Variants in COL11A1 observed in about 807,000 individuals in gnomAD.
The protein encoded by COL11A1 is collagen alpha-1(XI) chain.
A neutral mutation model predicts 265.2 loss-of-function variants in COL11A1; 74 were observed. The ratio of observed to expected loss-of-function variants is 0.28; its 90% CI spans 0.23 to 0.34. The LOEUF (loss-of-function observed/expected upper bound fraction) is 0.34. Ranked by LOEUF, COL11A1 falls within the 10% of genes least tolerant of loss-of-function variation. The pLI, the probability that COL11A1 is intolerant of heterozygous loss-of-function variation, is 1.00. For synonymous variants in COL11A1, 816 were observed against 727.6 expected, an observed-to-expected ratio of 1.12 and a Z score of -1.96; for missense variants, 2,165 against 2,263.6, an observed-to-expected ratio of 0.96 and a Z score of 0.88.
At chr1:102,966,698 T>TACATAAAC (rs1553220132) in intron 37 of COL11A1, among the ~76,000 whole-genome samples, 2 of 19,492 alleles carry the variant, frequency 1.0e-4, no homozygotes, top group African/African-American at 2.3e-4. Context: ...TTGTCAGATT[T>TACATAAAC]ACATACACAC....
chr1:102,978,559 A>G, intron 35 of COL11A1, 149 bp downstream of exon 35: 2 of 858,604 alleles, frequency 2.3e-6, no homozygotes, highest in Non-Finnish European at 3.8e-6. Flanking sequence ...GAAGAGGAAT[A>G]AATTAAAAAA....
Position 102,886,924 on chromosome 1 carries a change from C to A in COL11A1, c.4741G>T (p.Gly1581Cys), listed in dbSNP as rs760545137. ...DYSDGMEEIF[G>C]SLNSLKQDIE... ...TCTTGTTTCAGGGAATTGAGGGAAC[C>A]AAATATTTCTTCCATTCCATCCGAG... The change falls in exon 63 of 67, where the codon GGT becomes TGT. Residue 1581 changes from glycine (G) to cysteine (C), a missense_variant. Transcript: ENST00000370096. 1 of 1,613,784 alleles carries A rather than the reference C, an allele frequency of 6.2e-7. No homozygotes were observed. The highest frequency in any genetic ancestry group is 8.5e-7 in the Non-Finnish European group (1 of 1,179,824).
chr1:103,014,490 T>G, intron 13 of COL11A1, 21 bp downstream of exon 13: 2 of 1,604,224 alleles, frequency 1.2e-6, no homozygotes, highest in Non-Finnish European at 8.5e-7. Flanking sequence ...CTTGTGGGAA[T>G]GCAAGTTTAT....
chr1:102,941,230 T>G (rs1233853508), intron 42 of COL11A1, among the ~76,000 whole-genome samples: 1 of 152,094 alleles, frequency 6.6e-6, no homozygotes, highest in Non-Finnish European at 1.5e-5. Flanking sequence ...TATCTCCTAA[T>G]TATCTCTTGA....
chr1:103,085,060 A>G (rs1027913662), intron 1 of COL11A1, among the ~76,000 whole-genome samples: 1 of 152,230 alleles, frequency 6.6e-6, no homozygotes. Context: ...GCTGGGTTAA[A>G]TTAAGGTATA....
chr1:102,887,283 C>A (rs770590947), intron 62 of COL11A1, among the ~76,000 whole-genome samples: 6 of 152,024 alleles, frequency 3.9e-5, no homozygotes, highest in Non-Finnish European at 8.8e-5. Flanking sequence ...TAGATGATTT[C>A]TCACCCTTTA....
chr1:103,094,171 T>C (rs1022325149), intron 1 of COL11A1, among the ~76,000 whole-genome samples: 1 of 152,046 alleles, frequency 6.6e-6, no homozygotes, highest in African/African-American at 2.4e-5. Flanking sequence ...TTTCAAGATA[T>C]GGATCTTGGA....
intron 34 of COL11A1, 28 bp from the exon 35 acceptor site, chr1:102,978,780 C>T: frequency 6.2e-7 from 1 of 1,614,002 alleles, no homozygotes; most frequent in South Asian, 1.1e-5. Context: ...AAAGAAAAAT[C>T]AGTTTGAATT....
At chr1:103,021,456 A>T (rs192730743) in intron 9 of COL11A1, among the ~76,000 whole-genome samples, 100 of 152,272 alleles carry the variant, frequency 6.6e-4, no homozygotes, top group Non-Finnish European at 2.4e-4. Context: ...TAGTTTTAAA[A>T]TGAGAGAATT....
At chr1:102,895,980 T>C (rs967694290) in intron 57 of COL11A1, among the ~76,000 whole-genome samples, 1 of 151,840 alleles carries the variant, frequency 6.6e-6, no homozygotes, top group South Asian at 2.1e-4. Context: ...AATATAAAAT[T>C]GATTGGTTTT....
At position 103,006,103 on chromosome 1, in the gene COL11A1, C is replaced by T. The variant is rs771320801; in HGVS notation, c.1756G>A (p.Gly586Arg). Residue 586 changes from glycine to arginine, a missense_variant, in exon 17 of 67, where the codon GGA becomes AGA. By Grantham distance (125) the Gly-to-Arg change is moderately radical. Coordinates refer to ENST00000370096, the MANE Select transcript of COL11A1 (RefSeq NM_001854.4). Reference sequence around the variant, plus strand: ...GGTTCTCCTGGCATTCCTCTTCCTCCATCTGCACCTGGACGACCCTAATAA... The same window carrying T: ...GGTTCTCCTGGCATTCCTCTTCCTCTATCTGCACCTGGACGACCCTAATAA... ...PGKRGRPGAD[G>R]GRGMPGEPGA... 13 of 1,613,882 alleles carry T rather than the reference C, an allele frequency of 8.1e-6. No individual in the cohort carries two copies. The highest frequency in any genetic ancestry group is 1.1e-5 in the Non-Finnish European group (13 of 1,179,946).
chr1:102,949,552 T>C (rs1291568154), intron 41 of COL11A1, among the ~76,000 whole-genome samples: 3 of 152,212 alleles, frequency 2.0e-5, no homozygotes, highest in Non-Finnish European at 4.4e-5. Context: ...TTGAAGTCCA[T>C]TTTAAGAGAA....
At chr1:103,056,164 C>T (rs1670231338) in intron 4 of COL11A1, among the ~76,000 whole-genome samples, 1 of 152,054 alleles carries the variant, frequency 6.6e-6, no homozygotes, top group Admixed American at 6.6e-5. Flanking sequence ...TTGAAAGAAA[C>T]CCTGTGTTTT....
At position 103,031,281 on chromosome 1, in the gene COL11A1, G is replaced by A. The variant is rs779192723; in HGVS notation, c.652-37C>T. 30 of 1,589,380 alleles carry A rather than the reference G, an allele frequency of 1.9e-5. No homozygotes were observed. In the Admixed American group the frequency reaches 4.7e-4, roughly 25 times the overall value. On this transcript the variant is annotated intron_variant, in intron 4 of 66. Coordinates refer to ENST00000370096, the MANE Select transcript of COL11A1 (RefSeq NM_001854.4). The stretch of plus-strand genomic sequence containing the variant: ...AAAAAAACAAAAACAAACAGACACA[G>A]ATTCAGTTAGCATATTAAAGTACAC...
chr1:102,975,828 A>G (rs1381845876), intron 35 of COL11A1, among the ~76,000 whole-genome samples: 2 of 152,176 alleles, frequency 1.3e-5, no homozygotes, highest in Non-Finnish European at 2.9e-5. Context: ...CTTTCTATTT[A>G]TCAATCTAGC....
chr1:102,984,418 A>G (rs1249548948), intron 30 of COL11A1, among the ~76,000 whole-genome samples: 2 of 152,084 alleles, frequency 1.3e-5, no homozygotes, highest in Non-Finnish European at 2.9e-5. Flanking sequence ...AACCTTTATT[A>G]TATAAGTGGT....
At chr1:103,063,725 T>G (rs988918800) in intron 4 of COL11A1, among the ~76,000 whole-genome samples, 6 of 152,132 alleles carry the variant, frequency 3.9e-5, no homozygotes, top group African/African-American at 1.4e-4. Context: ...TTATTAAAAT[T>G]TAAAACTTCT....
chr1:102,890,427 A>G, intron 58 of COL11A1, 24 bp downstream of exon 58: 1 of 1,589,818 alleles, frequency 6.3e-7, no homozygotes, highest in East Asian at 2.3e-5. Flanking sequence ...TTCTTTTATT[A>G]ATAACACATT....
At chr1:102,891,503 A>C (rs1355607347) in intron 57 of COL11A1, among the ~76,000 whole-genome samples, 1 of 151,988 alleles carries the variant, frequency 6.6e-6, no homozygotes, top group Admixed American at 6.6e-5. Context: ...TGACTTTAGC[A>C]ACCAACTCTG....
Sources: gnomAD v4.1 joint callset for allele counts (sites outside exome capture counted in the v4.1 genomes callset) on GRCh38, gnomAD v4.1.1 for gene constraint, MANE v1.5 for transcripts, NCBI Gene and HGNC (gene_info 2026-07-23, HGNC 2026-07-21) for gene names.